Variants in FAT3 observed in about 807,000 individuals in gnomAD.
FAT3 encodes protocadherin Fat 3.
Under a neutral mutation model 310.2 loss-of-function variants are expected in FAT3, and 95 were observed. The observed-to-expected ratio is 0.31, with a 90% CI of 0.26 to 0.36. The LOEUF (loss-of-function observed/expected upper bound fraction) is 0.36. FAT3 is among the 10% of genes least tolerant of loss of function. The pLI is 1.00. For synonymous variants in FAT3, 2,314 were observed against 2,192.9 expected, an observed-to-expected ratio of 1.06 and a Z score of -1.54; for missense variants, 5,408 against 5,715.6, an observed-to-expected ratio of 0.95 and a Z score of 1.74.
chr11:92,607,889 C>T (rs1264190766), intron 3 of FAT3, among the ~76,000 whole-genome samples: 2 of 152,130 alleles, frequency 1.3e-5, no homozygotes, highest in Non-Finnish European at 2.9e-5. Context: ...TTTCTATAAC[C>T]CTTTCCAATT....
chr11:92,656,608 G>T (rs1336026811), intron 3 of FAT3, among the ~76,000 whole-genome samples: 2 of 152,144 alleles, frequency 1.3e-5, no homozygotes, highest in African/African-American at 4.8e-5. Context: ...CCAGTAATGG[G>T]TTGTTAAGTT....
intron 22 of FAT3, among the ~76,000 whole-genome samples, chr11:92,872,673 C>T (rs1275594085): frequency 1.3e-5 from 2 of 152,190 alleles, no homozygotes; most frequent in Non-Finnish European, 2.9e-5. Flanking sequence ...AATGTTAACA[C>T]ATTAAAGGTT....
At chr11:92,817,949 G>A (rs781494358) in intron 13 of FAT3, among the ~76,000 whole-genome samples, 54 of 152,172 alleles carry the variant, frequency 3.5e-4, no homozygotes, top group South Asian at 2.1e-4. Context: ...AAATGTGGAC[G>A]AGATGCTGCA....
chr11:92,883,006 T>A lies in FAT3; in HGVS notation c.12550T>A (p.Tyr4184Asn), dbSNP rs952194061. ...VFRKKVFRKN[Y>N]SRNNITLVQD... is the part of the protein sequence containing the mutation. ...CCGCAAGAAGGTCTTCCGCAAGAACTACTCCCGCAACAACATCACGCTAGT... is the reference window on the plus strand; with the variant it reads ...CCGCAAGAAGGTCTTCCGCAAGAACAACTCCCGCAACAACATCACGCTAGT... Residue 4184 changes from tyrosine to asparagine, a missense_variant, in exon 24 of 28, where the codon TAC (tyrosine) becomes AAC (asparagine). By Grantham distance (143) the Tyr-to-Asn change is moderately radical (BLOSUM62 -2). Coordinates refer to ENST00000525166, the MANE Select transcript of FAT3 (RefSeq NM_001367949.2). This position sits in a 1 kb window ranked among gnomAD's most constrained non-coding sequence, Gnocchi z 4.2. 1 of 1,613,912 alleles carries A rather than the reference T, an allele frequency of 6.2e-7. No homozygotes were observed.
intron 3 of FAT3, among the ~76,000 whole-genome samples, chr11:92,576,539 T>C (rs1938494790): frequency 6.6e-6 from 1 of 152,120 alleles, no homozygotes; most frequent in Admixed American, 6.5e-5. Context: ...ATTTGGATAA[T>C]CGATTCAAAT....
intron 2 of FAT3, among the ~76,000 whole-genome samples, chr11:92,368,122 T>C (rs1217694897): frequency 2.6e-5 from 4 of 152,210 alleles, no homozygotes; most frequent in Non-Finnish European, 4.4e-5. Flanking sequence ...ATGTTTTTTT[T>C]CTTACATTTT....
intron 3 of FAT3, among the ~76,000 whole-genome samples, chr11:92,683,622 C>T (rs1384036354): frequency 6.6e-6 from 1 of 152,142 alleles, no homozygotes; most frequent in Non-Finnish European, 1.5e-5. Context: ...TATTCAATTC[C>T]CATTTCCCCT....
chr11:92,430,103 C>T (rs895560543), intron 2 of FAT3, among the ~76,000 whole-genome samples: 1 of 152,146 alleles, frequency 6.6e-6, no homozygotes, highest in Non-Finnish European at 1.5e-5. Flanking sequence ...CTAATCTTGT[C>T]TTCACACTTT....
rs1954152486 is a variant in FAT3 at position 92,533,629 on chromosome 11, A to T, written c.3607+8681A>T. ...AGAGGAATCAGCAGTCATGAACTAA[A>T]TGATAAGAGCATAAGAGAAATGATG... On this transcript the variant is annotated intron_variant, in intron 3 of 27. Coordinates refer to ENST00000525166, the MANE Select transcript of FAT3 (RefSeq NM_001367949.2). Among the ~76,000 whole-genome samples, 3 of 152,320 alleles carry T rather than the reference A, an allele frequency of 2.0e-5. No individual in the cohort carries two copies. In the South Asian group the frequency reaches 6.2e-4, roughly 32 times the overall value.
chr11:92,518,208 T>G (rs565227499), intron 2 of FAT3, among the ~76,000 whole-genome samples: 1 of 152,310 alleles, frequency 6.6e-6, no homozygotes, highest in Admixed American at 6.5e-5. Flanking sequence ...TAAATACTCA[T>G]GCACACGTAT....
intron 2 of FAT3, among the ~76,000 whole-genome samples, chr11:92,439,220 C>A (rs767437268): frequency 2.0e-5 from 3 of 151,870 alleles, no homozygotes; most frequent in South Asian, 2.1e-4. Context: ...TATAAAAAAA[C>A]CCACAATTTT....
chr11:92,431,805 T>C (rs909340472), intron 2 of FAT3, among the ~76,000 whole-genome samples: 1 of 152,234 alleles, frequency 6.6e-6, no homozygotes, highest in Non-Finnish European at 1.5e-5. Context: ...GATCAGATGG[T>C]TGTAGATATG....
intron 1 of FAT3, among the ~76,000 whole-genome samples, chr11:92,303,941 G>T (rs571971101): frequency 7.9e-5 from 12 of 152,118 alleles, no homozygotes; most frequent in African/African-American, 2.4e-4. Flanking sequence ...GCAATTGTGT[G>T]GTTACAAAAA....
Position 92,774,157 on chromosome 11 carries a change from G to T in FAT3, c.4312G>T (p.Gly1438Trp), listed in dbSNP as rs533040053. The T allele has an allele frequency of 6.2e-7, 1 of 1,611,906 alleles. No homozygotes were observed. Among genetic ancestry groups the T allele is most frequent in the Admixed American group, 1.7e-5 (1 of 59,490 alleles). ...TAATATGAGTGTGGAAGTCACCGAT[G>T]GGACAAATGTTGCTGTTACTCAGGT... ...IYNMSVEVTD[G>W]TNVAVTQVFI... The change falls in exon 7 of 28, where the codon GGG (glycine) becomes TGG (tryptophan). Residue 1438 changes from glycine to tryptophan, a missense_variant. Physicochemically the swap from Gly to Trp is radical, Grantham distance 184. Transcript: ENST00000525166.
intron 19 of FAT3, 55 bp downstream of exon 19, chr11:92,844,787 G>A (rs893035575): frequency 1.4e-6 from 2 of 1,437,364 alleles, no homozygotes; most frequent in Middle Eastern, 2.2e-4. Flanking sequence ...GGAGTAGAAT[G>A]AGTTACCATT....
intron 1 of FAT3, among the ~76,000 whole-genome samples, chr11:92,286,734 A>T (rs1024306216): frequency 6.6e-5 from 10 of 151,600 alleles, no homozygotes; most frequent in Non-Finnish European, 1.5e-4. Context: ...CTAAGAGCTC[A>T]TTTGCCTTTT....
chr11:92,429,242 A>T (rs948513210), intron 2 of FAT3, among the ~76,000 whole-genome samples: 1 of 151,830 alleles, frequency 6.6e-6, no homozygotes, highest in Non-Finnish European at 1.5e-5. Context: ...GTAAATCTTC[A>T]TCCATCCCTT....
chr11:92,257,042 T>C (rs1865346908), intron 1 of FAT3, among the ~76,000 whole-genome samples: 4 of 152,094 alleles, frequency 2.6e-5, no homozygotes, highest in Admixed American at 2.6e-4. Context: ...TGTAACCTGC[T>C]CTTGACCTTT....
chr11:92,261,156 A>G (rs1299798443), intron 1 of FAT3, among the ~76,000 whole-genome samples: 2 of 152,140 alleles, frequency 1.3e-5, no homozygotes, highest in East Asian at 1.9e-4. Context: ...GTGAAAAGAT[A>G]GTATTTTCAG....
Sources: allele counts gnomAD v4.1 joint callset (sites outside exome capture counted in the v4.1 genomes callset), GRCh38; gene constraint gnomAD v4.1.1; non-coding constraint Gnocchi (gnomAD v3.1); transcripts MANE v1.5; gene names NCBI Gene and HGNC (gene_info 2026-07-23, HGNC 2026-07-21).